Variants in RUSC1 observed in about 807,000 individuals in gnomAD.
RUSC1 encodes the protein AP-4 complex accessory subunit RUSC1.
A neutral mutation model predicts 72.1 loss-of-function variants in RUSC1; 40 were observed. That is an observed-to-expected ratio of 0.55 (90% CI 0.43 to 0.72). RUSC1 has a LOEUF of 0.72. Ranked by LOEUF, RUSC1 falls within the 30% of genes least tolerant of loss-of-function variation. RUSC1 has a pLI of 0.00. For missense variants in RUSC1, 1,092 were observed against 1,172.3 expected (o/e 0.93, Z 1.00); for synonymous variants, 512 against 494.2 (o/e 1.04, Z -0.48).
At position 155,321,916 on chromosome 1, in the gene RUSC1, G is replaced by A. The variant is rs1650584488; in HGVS notation, c.143G>A (p.Gly48Asp). 3 of 1,609,152 alleles carry A rather than the reference G, an allele frequency of 1.9e-6. No homozygotes were observed. Among genetic ancestry groups the A allele is most frequent in the Non-Finnish European group, 2.5e-6 (3 of 1,177,900 alleles). The change falls in exon 2 of 10, where the codon GGC becomes GAC. Residue 48 changes from glycine to aspartate, a missense_variant. Transcript: ENST00000368352. ...STPPPPGDTG[G>D]KESRGPCSGT... Reference sequence around the variant, plus strand: ...CCCCCTCCTCCAGGAGACACTGGGGGCAAGGAGAGCAGGGGCCCCTGCAGT... The same window carrying A: ...CCCCCTCCTCCAGGAGACACTGGGGACAAGGAGAGCAGGGGCCCCTGCAGT...
chr1:155,330,290 C>T, intron 9 of RUSC1, 113 bp from the exon 10 acceptor site: 2 of 1,028,578 alleles, frequency 1.9e-6, no homozygotes, highest in African/African-American at 1.6e-5. Context: ...CTTCCAGAGC[C>T]CAGTCAATGT....
chr1:155,321,525 T>C (rs768382783), intron 1 of RUSC1, 163 bp from the exon 2 acceptor site: 2 of 1,423,952 alleles, frequency 1.4e-6, no homozygotes, highest in African/African-American at 1.4e-5. Context: ...CTGCAAACAC[T>C]GCAGTGGAAA....
chr1:155,330,531 AGG>A lies in RUSC1; in HGVS notation c.2671_2672del (p.Gly891SerfsTer57), dbSNP rs1651910234. ...CTCCGCTGTGGGCGGGATGGCATGG[AGG>A]GTCTGGTGCCTGTGGGGTATACCTC... On this transcript the variant is annotated frameshift_variant, in exon 10 of 10. Coordinates refer to ENST00000368352, the MANE Select transcript of RUSC1 (RefSeq NM_001105203.2). LOFTEE classifies it high-confidence loss of function. 1 of 1,612,944 alleles carries A rather than the reference AGG, an allele frequency of 6.2e-7. No homozygotes were observed. The highest frequency in any genetic ancestry group is 1.7e-5 in the Admixed American group (1 of 59,896).
intron 1 of RUSC1, chr1:155,321,203 A>G (rs1557987133): frequency 7.3e-7 from 1 of 1,365,070 alleles, no homozygotes. Flanking sequence ...GGAGTTGACA[A>G]GCTGACGGCT....
Position 155,326,892 on chromosome 1 carries a change from C to T in RUSC1, c.2174C>T (p.Thr725Ile). ...SDPSDSPNLP[T>I]PGSWWEQLTQ... The stretch of plus-strand genomic sequence containing the variant: ...CCCTCTGACTCTCCAAACCTTCCCA[C>T]ACCAGGGAGCTGGTGGGAGCAGTTG... Residue 725 changes from threonine to isoleucine, a missense_variant, in exon 8 of 10, where the codon ACA becomes ATA. Thr to Ile is a moderately conservative substitution (Grantham distance 89, BLOSUM62 -1). Coordinates refer to ENST00000368352, the MANE Select transcript of RUSC1 (RefSeq NM_001105203.2). This position sits in a 1 kb window ranked among gnomAD's most constrained non-coding sequence, Gnocchi z 4.7. 1 of 1,613,810 alleles carries T rather than the reference C, an allele frequency of 6.2e-7. No individual in the cohort carries two copies. Among genetic ancestry groups the T allele is most frequent in the Non-Finnish European group, 8.5e-7 (1 of 1,180,042 alleles).
chr1:155,324,588 G>A lies in RUSC1; in HGVS notation c.1358-257G>A, dbSNP rs551006875. 6 of 1,563,072 alleles carry A rather than the reference G, an allele frequency of 3.8e-6. No individual in the cohort carries two copies. The South Asian group carries it at 7.0e-5, about 18-fold the overall frequency. On this transcript the variant is annotated intron_variant, in intron 2 of 9. Transcript: ENST00000368352. ...CTCCCGGAGTTCCGGGATCCTGGAG[G>A]TGGGGGCTGTGCCCTGAGGGAGGGC... is the stretch of plus-strand genomic sequence containing the variant.
chr1:155,321,057 G>A (rs756795455), intron 1 of RUSC1, 66 bp downstream of exon 1: 6 of 1,440,354 alleles, frequency 4.2e-6, no homozygotes, highest in Non-Finnish European at 5.6e-6. Context: ...GGCAGGACAA[G>A]GGAGCAGGAG....
chr1:155,328,404 TTTA>T, intron 9 of RUSC1, 129 bp downstream of exon 9: 1 of 1,005,264 alleles, frequency 9.9e-7, no homozygotes, highest in Non-Finnish European at 1.4e-6. Flanking sequence ...AGCTTTTCTA[TTTA>T]TTATCGATGT....
rs766204374 is a variant in RUSC1, at chr1:155,322,333, C to G, written c.560C>G (p.Thr187Ser). 2 of 1,612,648 alleles carry G rather than the reference C, an allele frequency of 1.2e-6. No homozygotes were observed. The highest frequency in any genetic ancestry group is 1.7e-6 in the Non-Finnish European group (2 of 1,178,824). The change falls in exon 2 of 10, where the codon ACC (threonine) becomes AGC (serine). Residue 187 changes from threonine (T) to serine (S), a missense_variant. Transcript: ENST00000368352. The part of the protein sequence containing the change: ...GLDSNCNALT[T>S]CQDVPSPGLE... ...GACTCGAACTGCAACGCCCTGACCA[C>G]CTGCCAGGACGTCCCTTCCCCAGGC...
chr1:155,322,505 T>C lies in RUSC1; in HGVS notation c.732T>C (p.Ala244=). 5 of 1,613,018 alleles carry C rather than the reference T, an allele frequency of 3.1e-6. No homozygotes were observed. Among genetic ancestry groups the C allele is most frequent in the Non-Finnish European group, 4.2e-6 (5 of 1,179,320 alleles). Residue 244 remains alanine (A), a synonymous_variant, in exon 2 of 10, where the codon GCT becomes GCC. Coordinates refer to ENST00000368352, the MANE Select transcript of RUSC1 (RefSeq NM_001105203.2). ...IWKIDTEKTK[A]EWKTTENNNT... ...AAATTGACACAGAGAAAACTAAAGC[T>C]GAATGGAAAACCACTGAAAACAATA... is the stretch of plus-strand genomic sequence containing the variant.
intron 2 of RUSC1, 170 bp from the exon 3 acceptor site, chr1:155,324,675 C>T: frequency 1.3e-6 from 2 of 1,536,414 alleles, no homozygotes; most frequent in African/African-American, 2.7e-5. Context: ...GATTTCACTC[C>T]GGGGCTCGGG....
chr1:155,322,847 G>T lies in RUSC1; in HGVS notation c.1074G>T (p.Pro358=), dbSNP rs749843158. Residue 358 remains proline (P), a synonymous_variant, in exon 2 of 10, where the codon CCG becomes CCT. Transcript: ENST00000368352. ...PDTELPPSGS[P]GGSSAPPREV... is the part of the protein sequence containing the mutation. ...CCGAGCTCCCCCCCTCGGGGTCGCC[G>T]GGCGGCTCCTCGGCACCTCCTCGGG... 3.7e-6 allele frequency: 6 copies of T among 1,613,240 alleles called. No homozygotes were observed. The highest frequency in any genetic ancestry group is 3.3e-5 in the Admixed American group (2 of 60,002).
In RUSC1 at chr1:155,326,634, G is replaced by T. The variant is rs746304997; in HGVS notation, c.1916G>T (p.Gly639Val). The change falls in exon 8 of 10, where the codon GGT (glycine) becomes GTT (valine). Residue 639 changes from glycine to valine, a missense_variant. Physicochemically the swap from Gly to Val is moderately radical, Grantham distance 109. Coordinates refer to ENST00000368352, the MANE Select transcript of RUSC1 (RefSeq NM_001105203.2). The surrounding 1 kb of genome is among the most constrained non-coding windows in gnomAD (Gnocchi z 4.7). ...PTGFFSLARG[G>V]CPSLSTELLL... ...GGATTTTTCTCCCTGGCCCGCGGTGGTTGTCCCTCCCTGTCCACAGAGCTG... is the reference window on the plus strand; with the variant it reads ...GGATTTTTCTCCCTGGCCCGCGGTGTTTGTCCCTCCCTGTCCACAGAGCTG... 6.2e-7 allele frequency: 1 copy of T among 1,614,000 alleles called. No individual in the cohort carries two copies. Among genetic ancestry groups the T allele is most frequent in the Non-Finnish European group, 8.5e-7 (1 of 1,180,018 alleles).
chr1:155,324,060 T>G (rs1037997435), intron 2 of RUSC1: 3 of 1,112,420 alleles, frequency 2.7e-6, no homozygotes, highest in Non-Finnish European at 2.2e-6. Context: ...CACCTGGGCA[T>G]AGTGGACGCG....
In RUSC1 at chr1:155,327,066, G is replaced by A. The variant is rs748172988; in HGVS notation, c.2348G>A (p.Trp783Ter). 2 of 1,613,172 alleles carry A rather than the reference G, an allele frequency of 1.2e-6. No homozygotes were observed. Among genetic ancestry groups the A allele is most frequent in the Admixed American group, 3.3e-5 (2 of 60,000 alleles). Residue 783 changes from tryptophan (W) to a stop codon, truncating the protein, a stop_gained, in exon 8 of 10, where the codon TGG (tryptophan) becomes TAG (stop). Transcript: ENST00000368352. LOFTEE classifies it high-confidence loss of function. ...TDEMAPGRGL[W>*]LGRLFGVPGG... is the part of the protein sequence containing the mutation. ...GAGATGGCACCAGGCAGGGGCCTCT[G>A]GTTGGGAAGACTATTTGGAGTGCCT...
rs1331362420 is a variant in RUSC1 at position 155,330,595 on chromosome 1, G to T, written c.*24G>T. On this transcript the variant is annotated 3_prime_UTR_variant, in exon 10 of 10. Transcript: ENST00000368352. ...AGCCCTGGGACCCTTTCCTGCGTATGTGTCTCCTTCCTGTCACCTGGGAAT... is the reference window on the plus strand; with the variant it reads ...AGCCCTGGGACCCTTTCCTGCGTATTTGTCTCCTTCCTGTCACCTGGGAAT... 3 of 1,543,936 alleles carry T rather than the reference G, an allele frequency of 1.9e-6. No homozygotes were observed. Among genetic ancestry groups the T allele is most frequent in the Non-Finnish European group, 2.6e-6 (3 of 1,141,652 alleles).
chr1:155,327,116 G>A lies in RUSC1; in HGVS notation c.2398G>A (p.Gly800Arg), dbSNP rs577425293. 6.2e-7 allele frequency: 1 copy of A among 1,605,878 alleles called. No individual in the cohort carries two copies. The highest frequency in any genetic ancestry group is 1.3e-5 in the African/African-American group (1 of 74,736). Residue 800 changes from glycine to arginine, a missense_variant, in exon 8 of 10, where the codon GGA becomes AGA. By Grantham distance (125) the Gly-to-Arg change is moderately radical. Transcript: ENST00000368352. ...VPGGPAENEN[G>R]ALKSRRPSSW... ...TGGGGGCCCCGCAGAAAATGAGAATGGAGCCCTAAAGTCCAGGTAATGGGG... is the reference window on the plus strand; with the variant it reads ...TGGGGGCCCCGCAGAAAATGAGAATAGAGCCCTAAAGTCCAGGTAATGGGG...
chr1:155,327,190 C>T lies in RUSC1; in HGVS notation c.2414+58C>T. ...CTGACTCTCTCAGATCTCCTAGCGG[C>T]TTCATTTGAAACTCTCTAGTGATGA... On this transcript the variant is annotated intron_variant, in intron 8 of 9. Transcript: ENST00000368352. The T allele has an allele frequency of 2.0e-6, 3 of 1,494,948 alleles. No homozygotes were observed. The Admixed American group carries it at 6.6e-5, about 33-fold the overall frequency. The allele number at this position is 1,494,948 out of a possible 1,614,324, so 92.6% of individuals were successfully genotyped here.
Position 155,322,141 on chromosome 1 carries a change from T to TG in RUSC1, c.369dup (p.Arg124AlafsTer6). On this transcript the variant is annotated frameshift_variant, in exon 2 of 10. Coordinates refer to ENST00000368352, the MANE Select transcript of RUSC1 (RefSeq NM_001105203.2). LOFTEE classifies it high-confidence loss of function. Reference sequence around the variant, plus strand: ...GATGAGTCCCCTGTCTCAGTCTACTTGCGGGACCTCCCTGGTGATGAGGAT... The same window carrying TG: ...GATGAGTCCCCTGTCTCAGTCTACTTGGCGGGACCTCCCTGGTGATGAGGAT... 6.2e-7 allele frequency: 1 copy of TG among 1,604,166 alleles called. No individual in the cohort carries two copies. The highest frequency in any genetic ancestry group is 1.1e-5 in the South Asian group (1 of 90,044).
Sources: allele counts gnomAD v4.1 joint callset, GRCh38; gene constraint gnomAD v4.1.1; non-coding constraint Gnocchi (gnomAD v3.1); transcripts MANE v1.5; gene names NCBI Gene and HGNC (gene_info 2026-07-23, HGNC 2026-07-21).